Variants in WASF1 observed in about 807,000 individuals in gnomAD.
WASF1 encodes the protein WASP family member 1.
A neutral mutation model predicts 50.5 loss-of-function variants in WASF1; 7 were observed. That is an observed-to-expected ratio of 0.14 (90% CI 0.08 to 0.26). WASF1 has a LOEUF of 0.26. Among genes scored for constraint, WASF1 ranks in the 10% least tolerant of loss-of-function variants. The pLI is 1.00. For missense variants in WASF1, 470 were observed against 694.7 expected (o/e 0.68, Z 3.64); for synonymous variants, 205 against 244.0 (o/e 0.84, Z 1.49).
At chr6:110,115,715 A>G (rs963800069) in intron 4 of WASF1, among the ~76,000 whole-genome samples, 1 of 152,238 alleles carries the variant, frequency 6.6e-6, no homozygotes, top group Non-Finnish European at 1.5e-5. Flanking sequence ...GAACATCATG[A>G]AAGTTTGGAG....
rs148850591 is a variant in WASF1 at position 110,108,550 on chromosome 6, G to T, written c.400C>A (p.Leu134Ile). 1.9e-6 allele frequency: 3 copies of T among 1,613,552 alleles called. No homozygotes were observed. In the African/African-American group the frequency reaches 4.0e-5, roughly 22 times the overall value. The stretch of plus-strand genomic sequence containing the variant: ...TACCTATAAGGAGTGAGTATATTGA[G>T]AGGTGGAGGCTGTTCACAAACATCG... ...TYDVCEQPPP[L>I]NILTPYRDDG... is the part of the protein sequence containing the mutation. The change falls in exon 6 of 11, where the codon CTC becomes ATC. Residue 134 changes from leucine (L) to isoleucine (I), a missense_variant. By Grantham distance (5) the Leu-to-Ile change is conservative. Transcript: ENST00000392589.
In WASF1 at chr6:110,178,828, C is replaced by A. The variant is rs547253963; in HGVS notation, c.-271-86G>T. On this transcript the variant is annotated intron_variant, in intron 1 of 10. Transcript: ENST00000392589. ...TATCTGGGTGGCACAATGGGCGAGT[C>A]CTGCCGACATGAGCGCTGAGTGAGC... 1.8e-3 allele frequency: 277 copies of A among 152,686 alleles called. 2 individuals carry two copies. Among genetic ancestry groups the A allele is most frequent in the Middle Eastern group, 0.01 (3 of 296 alleles). The allele number at this position is 152,686 out of a possible 1,614,324, so 9.5% of individuals were successfully genotyped here.
At chr6:110,127,694 T>C in intron 3 of WASF1, 65 bp from the exon 4 acceptor site, 1 of 1,339,202 alleles carries the variant, frequency 7.5e-7, no homozygotes, top group Non-Finnish European at 9.8e-7. Flanking sequence ...AGACTTTATT[T>C]TTCATTGAAG....
chr6:110,128,433 A>C (rs1402190174), intron 3 of WASF1, among the ~76,000 whole-genome samples: 2 of 152,190 alleles, frequency 1.3e-5, no homozygotes, highest in Non-Finnish European at 2.9e-5. Context: ...ATCACACAAA[A>C]TGTATCAGGT....
At chr6:110,102,261 C>T in intron 9 of WASF1, 45 bp from the exon 10 acceptor site, 1 of 1,347,822 alleles carries the variant, frequency 7.4e-7, no homozygotes. Flanking sequence ...AAGAGAAAAG[C>T]CTAAAGAGAA....
chr6:110,102,489 T>C (rs1773138820), intron 9 of WASF1, among the ~76,000 whole-genome samples: 2 of 152,184 alleles, frequency 1.3e-5, no homozygotes, highest in African/African-American at 4.8e-5. Context: ...AGATATTTTA[T>C]GCTTACTTTA....
At chr6:110,143,807 TAAA>T (rs1364882757) in intron 3 of WASF1, among the ~76,000 whole-genome samples, 1 of 152,224 alleles carries the variant, frequency 6.6e-6, no homozygotes. Context: ...TCAGTATTTT[TAAA>T]ATGACATTAA....
Position 110,112,383 on chromosome 6 carries a change from C to T in WASF1, c.268+943G>A, listed in dbSNP as rs76768825. Reference sequence around the variant, plus strand: ...ACAAAAAGATGCATTTGGGAAACGTCGGCATTCAATGTATTCTATCAAGGC... The same window carrying T: ...ACAAAAAGATGCATTTGGGAAACGTTGGCATTCAATGTATTCTATCAAGGC... On this transcript the variant is annotated intron_variant, in intron 5 of 10. Transcript: ENST00000392589. 1.2e-4 allele frequency among the ~76,000 whole-genome samples: 18 copies of T among 152,000 alleles called. No homozygotes were observed. In the East Asian group the frequency reaches 2.5e-3, roughly 21 times the overall value.
At chr6:110,167,959 G>A (rs192652143) in intron 2 of WASF1, among the ~76,000 whole-genome samples, 288 of 152,076 alleles carry the variant, frequency 1.9e-3, no homozygotes, top group African/African-American at 6.4e-3. Flanking sequence ...AGTATTTAAT[G>A]AAAAACGTAA....
intron 2 of WASF1, among the ~76,000 whole-genome samples, chr6:110,166,534 T>C (rs1050383281): frequency 1.3e-5 from 2 of 151,914 alleles, no homozygotes; most frequent in East Asian, 3.9e-4. Flanking sequence ...ATTAAAATAA[T>C]AAACTAATAT....
intron 2 of WASF1, among the ~76,000 whole-genome samples, chr6:110,166,400 C>T (rs1776478964): frequency 1.3e-5 from 2 of 151,926 alleles, no homozygotes; most frequent in South Asian, 4.1e-4. Context: ...TTTACCAAGA[C>T]TATCCTGAAG....
At chr6:110,157,631 G>A (rs1163228904) in intron 3 of WASF1, among the ~76,000 whole-genome samples, 1 of 30,824 alleles carries the variant, frequency 3.2e-5, no homozygotes, top group Non-Finnish European at 5.1e-5. Context: ...CCTGTCTTGT[G>A]CCGGTTTCCA....
intron 3 of WASF1, among the ~76,000 whole-genome samples, chr6:110,147,359 A>T (rs1241068362): frequency 6.6e-6 from 1 of 152,028 alleles, no homozygotes; most frequent in Non-Finnish European, 1.5e-5. Context: ...AAAAAAAAAA[A>T]AAAATTATGT....
In WASF1 at chr6:110,178,890, A is replaced by G. The variant is rs1418649485; in HGVS notation, c.-271-148T>C. 3 of 152,446 alleles carry G rather than the reference A, an allele frequency of 2.0e-5. No individual in the cohort carries two copies. The East Asian group carries it at 5.8e-4, about 29-fold the overall frequency. 9.4% of individuals were successfully genotyped at this position (152,446 alleles called of 1,614,324 possible). A position where few individuals can be genotyped will look rare whatever the true frequency, so the allele number is the denominator to read the frequency against. ...TCTGCCCAAGGCAGCCCCCATGAAC[A>G]GGCACCAGAAGCGACAGCACCGCTT... On this transcript the variant is annotated intron_variant, in intron 1 of 10. Transcript: ENST00000392589.
chr6:110,138,296 G>A (rs375663147), intron 3 of WASF1, among the ~76,000 whole-genome samples: 1 of 152,246 alleles, frequency 6.6e-6, no homozygotes, highest in Non-Finnish European at 1.5e-5. Context: ...AGGAACTGCA[G>A]AGCCCCAAAG....
At chr6:110,116,531 G>A (rs1318376836) in intron 4 of WASF1, among the ~76,000 whole-genome samples, 1 of 152,012 alleles carries the variant, frequency 6.6e-6, no homozygotes, top group African/African-American at 2.4e-5. Flanking sequence ...TAAACAAAGA[G>A]GCCGGTAAGC....
intron 2 of WASF1, among the ~76,000 whole-genome samples, chr6:110,165,674 T>C (rs1432489085): frequency 6.6e-6 from 1 of 151,764 alleles, no homozygotes; most frequent in Non-Finnish European, 1.5e-5. Context: ...TATTGTTACA[T>C]AAAGCAAAAC....
intron 1 of WASF1, among the ~76,000 whole-genome samples, chr6:110,179,021 C>T (rs1398763916): frequency 5.3e-5 from 8 of 152,262 alleles, no homozygotes; most frequent in Non-Finnish European, 1.0e-4. Flanking sequence ...CTCGCTTTAC[C>T]GAGCCTCGCG....
chr6:110,107,216 A>T, intron 6 of WASF1, 22 bp from the exon 7 acceptor site: 1 of 1,456,676 alleles, frequency 6.9e-7, no homozygotes, highest in Non-Finnish European at 9.4e-7. Context: ...AATATCAATT[A>T]AAACACACAT....
Sources: allele counts gnomAD v4.1 joint callset (sites outside exome capture counted in the v4.1 genomes callset), GRCh38; gene constraint gnomAD v4.1.1; transcripts MANE v1.5; gene names NCBI Gene and HGNC (gene_info 2026-07-23, HGNC 2026-07-21).